Variants in RBFOX3 observed in about 807,000 individuals in gnomAD.
RBFOX3 encodes RNA binding protein fox-1 homolog 3.
Under a neutral mutation model 48.7 loss-of-function variants are expected in RBFOX3, and 17 were observed. The ratio of observed to expected loss-of-function variants is 0.35; its 90% CI spans 0.24 to 0.52. RBFOX3 has a LOEUF of 0.52. RBFOX3 is among the 20% of genes least tolerant of loss of function. The pLI, the probability that RBFOX3 is intolerant of heterozygous loss-of-function variation, is 0.94. For synonymous variants in RBFOX3, 212 were observed against 209.5 expected, an observed-to-expected ratio of 1.01 and a Z score of -0.10; for missense variants, 382 against 497.5, an observed-to-expected ratio of 0.77 and a Z score of 2.21.
At chr17:79,092,314 G>T in intron 14 of RBFOX3, 1 of 985,546 alleles carries the variant, frequency 1.0e-6, no homozygotes, top group Non-Finnish European at 1.2e-6. Context: ...ACCTGCAATG[G>T]CTTGGGTAGT....
At chr17:79,405,294 C>T (rs945714980) in intron 2 of RBFOX3, among the ~76,000 whole-genome samples, 37 of 152,130 alleles carry the variant, frequency 2.4e-4, no homozygotes, top group Admixed American at 6.5e-5. Flanking sequence ...CTCCGCCGCC[C>T]GACAACCTAG....
intron 4 of RBFOX3, among the ~76,000 whole-genome samples, chr17:79,154,359 C>T (rs967449768): frequency 2.6e-5 from 4 of 152,218 alleles, no homozygotes; most frequent in South Asian, 2.1e-4. Flanking sequence ...CCCTCTGTCT[C>T]GGGGACCCCG....
At chr17:79,601,326 C>G (rs1276099975) in intron 1 of RBFOX3, 1 of 152,288 alleles carries the variant, frequency 6.6e-6, no homozygotes. Flanking sequence ...GCACAGGATC[C>G]TCTCTTAGGG....
intron 4 of RBFOX3, chr17:79,235,200 A>T (rs1374977703): frequency 1.3e-5 from 2 of 152,224 alleles, no homozygotes; most frequent in East Asian, 3.9e-4. Flanking sequence ...TGGGGGTTGG[A>T]GGTACAGAGC....
At chr17:79,561,350 C>T (rs1004519016) in intron 1 of RBFOX3, among the ~76,000 whole-genome samples, 1 of 152,268 alleles carries the variant, frequency 6.6e-6, no homozygotes, top group East Asian at 1.9e-4. Context: ...GGAAGAAACG[C>T]TGGACAGTCA....
intron 2 of RBFOX3, among the ~76,000 whole-genome samples, chr17:79,446,486 T>C (rs1568266252): frequency 6.6e-6 from 1 of 152,124 alleles, no homozygotes; most frequent in Non-Finnish European, 1.5e-5. Context: ...CAGACCAAAC[T>C]GAAGACTAGC....
At chr17:79,098,554 G>C (rs906504053) in intron 9 of RBFOX3, 2 of 152,248 alleles carry the variant, frequency 1.3e-5, no homozygotes, top group Non-Finnish European at 2.9e-5. Context: ...AGGGATCCCA[G>C]CCTGTAATCG....
chr17:79,256,938 CA>C (rs2064961626), intron 3 of RBFOX3, among the ~76,000 whole-genome samples: 2 of 96,330 alleles, frequency 2.1e-5, no homozygotes, highest in African/African-American at 5.2e-5. Flanking sequence ...AACAAACAAA[CA>C]AAACAAAACA....
At chr17:79,136,619 C>T (rs1474194888) in intron 4 of RBFOX3, among the ~76,000 whole-genome samples, 1 of 152,200 alleles carries the variant, frequency 6.6e-6, no homozygotes, top group Non-Finnish European at 1.5e-5. Context: ...TGTTGGTTGG[C>T]TCAGCCTGGC....
At chr17:79,377,613 C>G (rs1388546177) in intron 2 of RBFOX3, among the ~76,000 whole-genome samples, 1 of 152,180 alleles carries the variant, frequency 6.6e-6, no homozygotes, top group Non-Finnish European at 1.5e-5. Flanking sequence ...CGGTGACAGC[C>G]GGAGCAGGGA....
chr17:79,658,183 T>C, the RBFOX3 span, among the ~76,000 whole-genome samples: 1 of 152,134 alleles, frequency 6.6e-6, no homozygotes, highest in Non-Finnish European at 1.5e-5. Context: ...AAACAGAGGA[T>C]GACTTAGAAG....
intron 2 of RBFOX3, among the ~76,000 whole-genome samples, chr17:79,332,582 T>A (rs951564454): frequency 8.4e-6 from 1 of 119,326 alleles, no homozygotes; most frequent in Non-Finnish European, 1.9e-5. Context: ...GACAGAAACA[T>A]AGAACCAGAG....
At chr17:79,588,107 G>C (rs1307057172) in intron 1 of RBFOX3, among the ~76,000 whole-genome samples, 1 of 152,168 alleles carries the variant, frequency 6.6e-6, no homozygotes, top group Non-Finnish European at 1.5e-5. Context: ...TGCTGGGATT[G>C]CAGTCATGAG....
chr17:79,308,158 G>A (rs1478949198), intron 2 of RBFOX3, among the ~76,000 whole-genome samples: 1 of 152,178 alleles, frequency 6.6e-6, no homozygotes, highest in Admixed American at 6.5e-5. Context: ...TGGACTGACG[G>A]GGGAATGGCC....
In RBFOX3 at chr17:79,372,866, C is replaced by T. The variant is rs542911621; in HGVS notation, c.-174-65042G>A. The stretch of plus-strand genomic sequence containing the variant: ...AGCTGACAGAAAACATGAGTCTGTT[C>T]CTGAGATTTTTCTGGTGCAATTGCG... On this transcript the variant is annotated intron_variant, in intron 2 of 14. Coordinates refer to ENST00000693108, the MANE Select transcript of RBFOX3 (RefSeq NM_001350451.2). Among the ~76,000 whole-genome samples the T allele has an allele frequency of 1.1e-4, 16 of 152,290 alleles. No homozygotes were observed. In the East Asian group the frequency reaches 3.1e-3, roughly 29 times the overall value.
chr17:79,459,737 G>T (rs1172169576), intron 2 of RBFOX3, among the ~76,000 whole-genome samples: 12 of 152,208 alleles, frequency 7.9e-5, no homozygotes, highest in Non-Finnish European at 1.8e-4. Context: ...GTGGGACACA[G>T]AGATGATGAT....
intron 4 of RBFOX3, among the ~76,000 whole-genome samples, chr17:79,191,658 G>T (rs2146494367): frequency 6.6e-6 from 1 of 152,338 alleles, no homozygotes; most frequent in South Asian, 2.1e-4. Flanking sequence ...AGGTAGGGGT[G>T]CAAGGTCCTT....
intron 4 of RBFOX3, among the ~76,000 whole-genome samples, chr17:79,194,273 A>T (rs1405541652): frequency 6.6e-6 from 1 of 152,080 alleles, no homozygotes; most frequent in Non-Finnish European, 1.5e-5. Context: ...GGGAGCCCAG[A>T]TTCCGAGCAA....
intron 2 of RBFOX3, among the ~76,000 whole-genome samples, chr17:79,394,908 G>T (rs149856587): frequency 7.9e-5 from 12 of 152,184 alleles, no homozygotes; most frequent in East Asian, 1.9e-4. Context: ...ACAGGCGCTC[G>T]GGGCGTGTGC....
Sources: allele counts gnomAD v4.1 joint callset (sites outside exome capture counted in the v4.1 genomes callset), GRCh38; gene constraint gnomAD v4.1.1; transcripts MANE v1.5; gene names NCBI Gene and HGNC (gene_info 2026-07-23, HGNC 2026-07-21).